Variants in DENND1A observed in about 807,000 individuals in gnomAD.
The protein encoded by DENND1A is DENN domain-containing protein 1A.
DENND1A carries 51 observed loss-of-function variants against 113.7 expected under a neutral mutation model. The observed-to-expected ratio is 0.45, with a 90% confidence interval of 0.36 to 0.57. The LOEUF is 0.57. Among genes scored for constraint, DENND1A ranks in the 20% least tolerant of loss-of-function variants. The probability of loss-of-function intolerance (pLI) is 0.00; values close to 1 mark genes in which losing one functional copy is unlikely to be tolerated. For synonymous variants in DENND1A, 565 were observed against 570.8 expected, an observed-to-expected ratio of 0.99 and a Z score of 0.14; for missense variants, 1,258 against 1,395.9, an observed-to-expected ratio of 0.90 and a Z score of 1.57.
At chr9:123,552,564 A>AGGAC (rs1179505128) in intron 13 of DENND1A, among the ~76,000 whole-genome samples, 1 of 152,232 alleles carries the variant, frequency 6.6e-6, no homozygotes, top group Non-Finnish European at 1.5e-5. Flanking sequence ...GCAGTACCCC[A>AGGAC]GGACCCTGCA....
chr9:123,719,634 ATT>A (rs150956719), intron 5 of DENND1A, among the ~76,000 whole-genome samples: 25 of 148,332 alleles, frequency 1.7e-4, no homozygotes, highest in African/African-American at 6.2e-4. Context: ...AGGTTTTCAG[ATT>A]TTTTTTTTTT....
In DENND1A at chr9:123,490,000, C is replaced by T. The variant is rs148440914; in HGVS notation, c.994-32103G>A. On this transcript the variant is annotated intron_variant, in intron 13 of 23. Coordinates refer to ENST00000394215, the MANE Select transcript of DENND1A (RefSeq NM_001352964.2). ...TGACAAAAAGGACCAGAAAAATTCT[C>T]AGGAGACTGGAACAATAGGCTGAAA... Among the ~76,000 whole-genome samples the T allele has an allele frequency of 2.2e-4, 34 of 152,272 alleles. No individual in the cohort carries two copies. In the East Asian group the frequency reaches 6.6e-3, roughly 29 times the overall value.
At chr9:123,665,622 TTC>T (rs1393324723) in intron 8 of DENND1A, among the ~76,000 whole-genome samples, 1 of 152,196 alleles carries the variant, frequency 6.6e-6, no homozygotes, top group African/African-American at 2.4e-5. Flanking sequence ...AAAATTTCCT[TTC>T]TGTGAATCTA....
chr9:123,684,825 A>G (rs574360185), intron 5 of DENND1A, among the ~76,000 whole-genome samples: 2 of 152,322 alleles, frequency 1.3e-5, no homozygotes, highest in Non-Finnish European at 2.9e-5. Flanking sequence ...ATGGGGGAAT[A>G]AGGCCCATGT....
At chr9:123,691,712 T>C (rs182094330) in intron 5 of DENND1A, among the ~76,000 whole-genome samples, 2 of 152,028 alleles carry the variant, frequency 1.3e-5, no homozygotes, top group East Asian at 1.9e-4. Flanking sequence ...TGGACAGATC[T>C]GATGGGTTTT....
At chr9:123,837,541 G>A (rs2132893092) in intron 2 of DENND1A, among the ~76,000 whole-genome samples, 1 of 152,074 alleles carries the variant, frequency 6.6e-6, no homozygotes, top group South Asian at 2.1e-4. Flanking sequence ...TACTATCCAG[G>A]GATAAGGTAT....
intron 20 of DENND1A, among the ~76,000 whole-genome samples, chr9:123,410,737 T>C (rs1176510505): frequency 6.6e-6 from 1 of 152,132 alleles, no homozygotes; most frequent in African/African-American, 2.4e-5. Context: ...CAAGATGGAT[T>C]TGGACACGTG....
intron 2 of DENND1A, among the ~76,000 whole-genome samples, chr9:123,804,632 C>T (rs1422819750): frequency 1.3e-5 from 2 of 152,244 alleles, no homozygotes; most frequent in Admixed American, 6.5e-5. Context: ...GTCTACTCAA[C>T]ATCTCCACTT....
intron 5 of DENND1A, among the ~76,000 whole-genome samples, chr9:123,745,028 G>A (rs981960013): frequency 3.3e-5 from 5 of 151,970 alleles, no homozygotes; most frequent in African/African-American, 1.2e-4. Context: ...GACCCGCCTC[G>A]GCCTCCCAAA....
chr9:123,832,640 G>A (rs1475226421), intron 2 of DENND1A, among the ~76,000 whole-genome samples: 1 of 152,162 alleles, frequency 6.6e-6, no homozygotes, highest in Non-Finnish European at 1.5e-5. Context: ...AGAATGGATC[G>A]ATTGTGGCAT....
At chr9:123,452,440 T>C (rs1402279008) in intron 16 of DENND1A, 93 bp from the exon 17 acceptor site, 1 of 1,021,558 alleles carries the variant, frequency 9.8e-7, no homozygotes, top group Non-Finnish European at 1.5e-6. Context: ...TTAAGCAACA[T>C]TTCAAAGGTA....
intron 1 of DENND1A, among the ~76,000 whole-genome samples, chr9:123,905,110 C>T (rs1485801964): frequency 1.7e-4 from 25 of 151,410 alleles, no homozygotes; most frequent in Non-Finnish European, 3.5e-4. Context: ...CCAAACTAAG[C>T]TTCGTAAGTG....
chr9:123,811,143 C>T (rs1836531109), intron 2 of DENND1A, among the ~76,000 whole-genome samples: 1 of 152,166 alleles, frequency 6.6e-6, no homozygotes, highest in South Asian at 2.1e-4. Context: ...CTACTCACAG[C>T]CTCCAAAGTT....
At chr9:123,699,305 A>T (rs2140578734) in intron 5 of DENND1A, among the ~76,000 whole-genome samples, 1 of 152,338 alleles carries the variant, frequency 6.6e-6, no homozygotes, top group South Asian at 2.1e-4. Flanking sequence ...GAAAGCTGTG[A>T]TGTTATAAAA....
chr9:123,534,852 C>CT (rs2055608206), intron 13 of DENND1A, among the ~76,000 whole-genome samples: 1 of 152,274 alleles, frequency 6.6e-6, no homozygotes, highest in East Asian at 1.9e-4. Flanking sequence ...GACGCCAAGC[C>CT]TTTTTTGTCA....
intron 18 of DENND1A, among the ~76,000 whole-genome samples, chr9:123,441,525 C>T (rs1324462375): frequency 6.6e-6 from 1 of 152,136 alleles, no homozygotes. Flanking sequence ...GTCAAATTAT[C>T]AGGAAAAGAA....
rs573765111 is a variant in DENND1A, at chr9:123,734,676, G to A, written c.302+23027C>T. On this transcript the variant is annotated intron_variant, in intron 5 of 23. Transcript: ENST00000394215. ...GGTTCCTTTTCCTCTTCTGTAAGAC[G>A]AGGATAATTCTTCCTCTGCGGGACT... 2.1e-4 allele frequency among the ~76,000 whole-genome samples: 32 copies of A among 152,176 alleles called. No homozygotes were observed. The East Asian group carries it at 5.4e-3, about 26-fold the overall frequency.
At chr9:123,656,846 T>C (rs576977784) in intron 8 of DENND1A, among the ~76,000 whole-genome samples, 21 of 152,360 alleles carry the variant, frequency 1.4e-4, no homozygotes, top group Non-Finnish European at 2.8e-4. Context: ...TAGTTCCCAG[T>C]TTCTGTGCTC....
In DENND1A at chr9:123,885,880, A is replaced by G. The variant is rs190599245; in HGVS notation, c.18-6859T>C. On this transcript the variant is annotated intron_variant, in intron 1 of 23. Transcript: ENST00000394215. Reference sequence around the variant, plus strand: ...CTGCAACCTCCGCCTCCCGGGTTCAAGTGATTATCCTGCCTCATCCTCCCA... The same window carrying G: ...CTGCAACCTCCGCCTCCCGGGTTCAGGTGATTATCCTGCCTCATCCTCCCA... Among the ~76,000 whole-genome samples the G allele has an allele frequency of 3.9e-5, 6 of 152,258 alleles. 1 individual carries two copies. Among genetic ancestry groups the G allele is most frequent in the Admixed American group, 3.9e-4 (6 of 15,292 alleles).
Sources: gnomAD v4.1 joint callset for allele counts (sites outside exome capture counted in the v4.1 genomes callset) on GRCh38, gnomAD v4.1.1 for gene constraint, MANE v1.5 for transcripts, NCBI Gene and HGNC (gene_info 2026-07-23, HGNC 2026-07-21) for gene names.